Variants in ENOX1 observed in about 807,000 individuals in gnomAD.
ENOX1 encodes the protein ecto-NOX disulfide-thiol exchanger 1, also known as candidate growth-related and time keeping constitutive hydroquinone (NADH) oxidase.
A neutral mutation model predicts 82.5 loss-of-function variants in ENOX1; 42 were observed. The observed-to-expected ratio is 0.51, with a 90% CI of 0.40 to 0.66. ENOX1 has a LOEUF of 0.66. ENOX1 is among the 30% of genes least tolerant of loss of function. The probability of loss-of-function intolerance (pLI) is 0.00; values close to 1 mark genes in which losing one functional copy is unlikely to be tolerated. For missense variants in ENOX1, 608 were observed against 811.6 expected, an observed-to-expected ratio of 0.75 and a Z score of 3.05; for synonymous variants, 271 against 282.2, an observed-to-expected ratio of 0.96 and a Z score of 0.40.
chr13:43,563,449 C>T (rs1392697453), intron 2 of ENOX1, among the ~76,000 whole-genome samples: 3 of 151,900 alleles, frequency 2.0e-5, no homozygotes, highest in African/African-American at 7.3e-5. Context: ...AAAGAAACAA[C>T]CTAGCAATGC....
intron 1 of ENOX1, among the ~76,000 whole-genome samples, chr13:43,692,983 A>G (rs1324214685): frequency 2.0e-5 from 3 of 152,136 alleles, no homozygotes; most frequent in African/African-American, 7.2e-5. Flanking sequence ...TACCATCAAA[A>G]TCAATAACAC....
intron 5 of ENOX1, 42 bp downstream of exon 5, chr13:43,411,874 C>T (rs760854777): frequency 1.7e-5 from 28 of 1,611,570 alleles, no homozygotes; most frequent in Non-Finnish European, 2.3e-5. Context: ...CTACACCCTT[C>T]GGCACTGCTG....
chr13:43,629,557 T>G (rs754240435), intron 2 of ENOX1, among the ~76,000 whole-genome samples: 9 of 152,206 alleles, frequency 5.9e-5, no homozygotes, highest in Non-Finnish European at 7.3e-5. Context: ...GTGGGAGGAA[T>G]AGGAAAATCA....
chr13:43,523,906 A>G (rs1208447173), intron 2 of ENOX1, among the ~76,000 whole-genome samples: 1 of 152,150 alleles, frequency 6.6e-6, no homozygotes, highest in Admixed American at 6.5e-5. Context: ...CTTAAGCAGC[A>G]TGGCACACCA....
chr13:43,598,299 GT>G (rs1191053142), intron 2 of ENOX1, among the ~76,000 whole-genome samples: 2 of 152,126 alleles, frequency 1.3e-5, no homozygotes, highest in African/African-American at 4.8e-5. Flanking sequence ...ATGAAGCAGA[GT>G]TTTTGTCCAT....
intron 2 of ENOX1, among the ~76,000 whole-genome samples, chr13:43,634,690 C>G (rs981804519): frequency 6.6e-6 from 1 of 152,178 alleles, no homozygotes; most frequent in Non-Finnish European, 1.5e-5. Flanking sequence ...AAAAGGCCAT[C>G]AGTCTTATTT....
intron 14 of ENOX1, among the ~76,000 whole-genome samples, chr13:43,245,589 G>C (rs771454426): frequency 2.0e-5 from 3 of 152,202 alleles, no homozygotes; most frequent in Non-Finnish European, 2.9e-5. Context: ...GGAATTTCCT[G>C]TGGGGCAGCA....
intron 5 of ENOX1, among the ~76,000 whole-genome samples, chr13:43,392,428 C>T (rs2052842778): frequency 6.6e-6 from 1 of 152,160 alleles, no homozygotes; most frequent in African/African-American, 2.4e-5. Context: ...CCTGTAATCC[C>T]AGCACTTTGG....
At chr13:43,439,113 G>A (rs1267327770) in intron 3 of ENOX1, among the ~76,000 whole-genome samples, 1 of 146,490 alleles carries the variant, frequency 6.8e-6, no homozygotes, top group African/African-American at 2.5e-5. Flanking sequence ...TGCAATCTCG[G>A]CTCATTGCAA....
chr13:43,528,613 ATATT>A (rs1339572737), intron 2 of ENOX1, among the ~76,000 whole-genome samples: 1 of 152,020 alleles, frequency 6.6e-6, no homozygotes, highest in Non-Finnish European at 1.5e-5. Flanking sequence ...TTGCCTTTGA[ATATT>A]TATTTTTCAT....
At chr13:43,391,709 C>T (rs556457138) in intron 5 of ENOX1, among the ~76,000 whole-genome samples, 2 of 152,332 alleles carry the variant, frequency 1.3e-5, no homozygotes, top group South Asian at 4.1e-4. Context: ...ATCTCTCCAA[C>T]TTCACTATCA....
chr13:43,263,409 C>A (rs2153477622), intron 14 of ENOX1, among the ~76,000 whole-genome samples: 1 of 152,322 alleles, frequency 6.6e-6, no homozygotes, highest in Non-Finnish European at 1.5e-5. Context: ...GAGTTGATAA[C>A]AAAGCCTACG....
chr13:43,531,137 T>C (rs2078194354), intron 2 of ENOX1, among the ~76,000 whole-genome samples: 1 of 152,012 alleles, frequency 6.6e-6, no homozygotes, highest in African/African-American at 2.4e-5. Context: ...ATAGTATTAT[T>C]AGGGTAACAG....
chr13:43,303,872 G>T (rs1235594941), intron 11 of ENOX1, among the ~76,000 whole-genome samples: 5 of 152,190 alleles, frequency 3.3e-5, no homozygotes, highest in Non-Finnish European at 7.3e-5. Flanking sequence ...CCCCCAGGTG[G>T]TGCTGATGCT....
At chr13:43,398,528 T>C (rs9567174) in intron 5 of ENOX1, among the ~76,000 whole-genome samples, 17,508 of 152,098 alleles carry the variant, frequency 0.12, 1,053 homozygotes, top group East Asian at 0.24. Context: ...TCTAATGTAA[T>C]TGACTCTTGA....
At chr13:43,563,994 T>C (rs888039128) in intron 2 of ENOX1, among the ~76,000 whole-genome samples, 6 of 152,028 alleles carry the variant, frequency 3.9e-5, no homozygotes, top group African/African-American at 1.4e-4. Flanking sequence ...GAGGAAGGAA[T>C]ACTTCCAAAC....
intron 1 of ENOX1, among the ~76,000 whole-genome samples, chr13:43,785,517 A>G (rs1952518845): frequency 6.6e-6 from 1 of 152,180 alleles, no homozygotes; most frequent in Admixed American, 6.5e-5. Context: ...TGCTACCACC[A>G]AACAAATGCA....
At chr13:43,389,527 T>C (rs2052635918) in intron 5 of ENOX1, among the ~76,000 whole-genome samples, 1 of 152,198 alleles carries the variant, frequency 6.6e-6, no homozygotes, top group Non-Finnish European at 1.5e-5. Flanking sequence ...ACAGTTAAAA[T>C]ACTTAATCCA....
intron 1 of ENOX1, among the ~76,000 whole-genome samples, chr13:43,702,934 C>T (rs1490004109): frequency 2.0e-5 from 2 of 97,840 alleles, no homozygotes. Context: ...GCCTGGGCAA[C>T]AAGAGTGAGA....
Sources: allele counts gnomAD v4.1 joint callset (sites outside exome capture counted in the v4.1 genomes callset), GRCh38; gene constraint gnomAD v4.1.1; transcripts MANE v1.5; gene names NCBI Gene and HGNC (gene_info 2026-07-23, HGNC 2026-07-21).